Variants in ETFA observed in about 807,000 individuals in gnomAD.
ETFA encodes electron transfer flavoprotein subunit alpha, mitochondrial.
In ETFA, 22 loss-of-function variants were observed where a neutral mutation model predicts 46.2. That is an observed-to-expected ratio of 0.48 (90% confidence interval 0.34 to 0.68). The LOEUF (loss-of-function observed/expected upper bound fraction) is 0.68, where lower values mean the gene tolerates loss of function less well. Among genes scored for constraint, ETFA ranks in the 30% least tolerant of loss-of-function variants. The pLI is 0.01. For synonymous variants in ETFA, 131 were observed against 139.9 expected, an observed-to-expected ratio of 0.94 and a Z score of 0.45; for missense variants, 345 against 401.1, an observed-to-expected ratio of 0.86 and a Z score of 1.19.
chr15:76,224,707 G>C (rs3784449), intron 11 of ETFA, among the ~76,000 whole-genome samples: 1 of 151,972 alleles, frequency 6.6e-6, no homozygotes. Flanking sequence ...TTCTACATGA[G>C]GGGTTCCTCA....
intron 4 of ETFA, among the ~76,000 whole-genome samples, chr15:76,288,878 TCA>T (rs969777258): frequency 2.6e-5 from 4 of 151,476 alleles, no homozygotes; most frequent in Admixed American, 6.6e-5. Flanking sequence ...CTTGGGAAAG[TCA>T]CAGTTCCCCA....
intron 1 of ETFA, among the ~76,000 whole-genome samples, chr15:76,304,538 C>T (rs2039917540): frequency 6.6e-6 from 1 of 151,942 alleles, no homozygotes; most frequent in Non-Finnish European, 1.5e-5. Context: ...GTGGCGCATT[C>T]CCGTAGCCCC....
At position 76,234,571 on chromosome 15, in the gene ETFA, G is replaced by C. The variant is rs2456057; in HGVS notation, c.817-3173C>G. ...AAGGGTTATACAAGGCGTGGTGGGG[G>C]ACGGTGGGGATTAAAGGAACCAACA... On this transcript the variant is annotated intron_variant, in intron 9 of 11. Coordinates refer to ENST00000557943, the MANE Select transcript of ETFA (RefSeq NM_000126.4). 0.64 allele frequency among the ~76,000 whole-genome samples: 97,370 copies of C among 151,998 alleles called. 32,130 individuals carry two copies. The highest frequency in any genetic ancestry group is 0.74 in the Middle Eastern group (215 of 292).
chr15:76,244,118 C>T (rs984285899), intron 9 of ETFA, among the ~76,000 whole-genome samples: 10 of 152,120 alleles, frequency 6.6e-5, no homozygotes, highest in Non-Finnish European at 1.3e-4. Flanking sequence ...CTGCCAACCT[C>T]GGGTGATTTG....
At chr15:76,220,828 A>G (rs989945516) in intron 11 of ETFA, among the ~76,000 whole-genome samples, 4 of 152,212 alleles carry the variant, frequency 2.6e-5, no homozygotes, top group Non-Finnish European at 5.9e-5. Flanking sequence ...AGACAATAAC[A>G]TACATTAATG....
At chr15:76,263,169 C>G (rs1166422139) in intron 9 of ETFA, among the ~76,000 whole-genome samples, 1 of 152,184 alleles carries the variant, frequency 6.6e-6, no homozygotes, top group African/African-American at 2.4e-5. Context: ...GTTTGATCAC[C>G]AATAAATAGT....
chr15:76,234,573 C>T (rs758885146), intron 9 of ETFA, among the ~76,000 whole-genome samples: 23 of 151,876 alleles, frequency 1.5e-4, no homozygotes, highest in Non-Finnish European at 2.5e-4. Flanking sequence ...TGGTGGGGGA[C>T]GGTGGGGATT....
intron 7 of ETFA, chr15:76,284,678 G>A (rs2039689096): frequency 6.1e-6 from 1 of 165,030 alleles, no homozygotes; most frequent in Non-Finnish European, 1.3e-5. Context: ...TTTTAATAGA[G>A]ACGGGGTTTC....
At chr15:76,276,634 T>C (rs748075396) in intron 8 of ETFA, among the ~76,000 whole-genome samples, 1 of 147,276 alleles carries the variant, frequency 6.8e-6, no homozygotes, top group Non-Finnish European at 1.5e-5. Context: ...GTTGTTGTTG[T>C]TTTTTTCTTT....
At chr15:76,268,330 GA>G (rs1291343330) in intron 9 of ETFA, among the ~76,000 whole-genome samples, 2 of 152,074 alleles carry the variant, frequency 1.3e-5, no homozygotes, top group Non-Finnish European at 2.9e-5. Context: ...CGGGAGACTG[GA>G]GGGACCCATG....
At chr15:76,258,517 CT>C (rs1278882861) in intron 9 of ETFA, among the ~76,000 whole-genome samples, 2 of 152,200 alleles carry the variant, frequency 1.3e-5, no homozygotes, top group Non-Finnish European at 2.9e-5. Flanking sequence ...ACAAGAACAT[CT>C]CTTTGTGACT....
rs1351385418 is a variant in ETFA at position 76,283,768 on chromosome 15, A to G, written c.722T>C (p.Leu241Pro). 1.3e-6 allele frequency: 2 copies of G among 1,599,596 alleles called. No individual in the cohort carries two copies. Among genetic ancestry groups the G allele is most frequent in the Non-Finnish European group, 1.7e-6 (2 of 1,166,902 alleles). Residue 241 changes from leucine to proline, a missense_variant, in exon 8 of 12, where the codon CTA (leucine) becomes CCA (proline). Physicochemically the swap from Leu to Pro is moderately conservative, Grantham distance 98 (BLOSUM62 -3). Coordinates refer to ENST00000557943, the MANE Select transcript of ETFA (RefSeq NM_000126.4). The part of the protein sequence containing the change: ...FKLLYDLADQ[L>P]HAAVGASRAA... ...GAAAATAACTTTACCTGCAGCATGTAGTTGATCTGCCAAGTCATATAACAA... is the reference window on the plus strand; with the variant it reads ...GAAAATAACTTTACCTGCAGCATGTGGTTGATCTGCCAAGTCATATAACAA...
chr15:76,291,288 C>G (rs566892813), intron 4 of ETFA, among the ~76,000 whole-genome samples: 5 of 151,944 alleles, frequency 3.3e-5, no homozygotes, highest in Admixed American at 3.3e-4. Context: ...ACTAAACATA[C>G]AAAAATTAGC....
At chr15:76,243,994 C>A (rs965141839) in intron 9 of ETFA, among the ~76,000 whole-genome samples, 2 of 152,072 alleles carry the variant, frequency 1.3e-5, no homozygotes, top group Non-Finnish European at 2.9e-5. Context: ...TCAAGCAATT[C>A]TCGTGCCTCA....
chr15:76,276,958 C>T (rs1009758121), intron 8 of ETFA, among the ~76,000 whole-genome samples: 9 of 152,194 alleles, frequency 5.9e-5, no homozygotes, highest in Admixed American at 4.6e-4. Flanking sequence ...TCTCTTCAAA[C>T]TGTCTTTTAC....
At chr15:76,231,032 A>G in intron 10 of ETFA, 1 of 312,696 alleles carries the variant, frequency 3.2e-6, no homozygotes. Context: ...CTTAGTGATC[A>G]TCATTCAATA....
At chr15:76,298,353 A>T (rs2039847492) in intron 1 of ETFA, among the ~76,000 whole-genome samples, 1 of 152,020 alleles carries the variant, frequency 6.6e-6, no homozygotes, top group Admixed American at 6.6e-5. Flanking sequence ...AAGATTAGAG[A>T]TTTTCAAACT....
intron 9 of ETFA, among the ~76,000 whole-genome samples, chr15:76,271,862 A>G (rs1243912185): frequency 6.6e-6 from 1 of 152,020 alleles, no homozygotes; most frequent in Non-Finnish European, 1.5e-5. Flanking sequence ...ACATACATAA[A>G]TTACGTGTGT....
chr15:76,226,164 T>G (rs2039001905), intron 10 of ETFA: 1 of 414,444 alleles, frequency 2.4e-6, no homozygotes, highest in South Asian at 4.0e-5. Context: ...ATCATTATTT[T>G]TTAAAAGTTC....
Sources: gnomAD v4.1 joint callset for allele counts (sites outside exome capture counted in the v4.1 genomes callset) on GRCh38, gnomAD v4.1.1 for gene constraint, MANE v1.5 for transcripts, NCBI Gene and HGNC (gene_info 2026-07-23, HGNC 2026-07-21) for gene names.